Variants in COPG2 observed in about 807,000 individuals in gnomAD.
The protein encoded by COPG2 is coatomer subunit gamma-2.
A neutral mutation model predicts 46.3 loss-of-function variants in COPG2; 37 were observed. That is an observed-to-expected ratio of 0.80 (90% CI 0.61 to 1.05). The LOEUF (loss-of-function observed/expected upper bound fraction) is 1.05. COPG2 is among the 50% of genes least tolerant of loss of function. The pLI is 0.00. For missense variants in COPG2, 427 were observed against 387.8 expected (o/e 1.10, Z -0.85); for synonymous variants, 159 against 129.7 (o/e 1.23, Z -1.53).
chr7:130,513,308 A>AAAATAT (rs1236511164), intron 20 of COPG2, among the ~76,000 whole-genome samples: 13 of 55,654 alleles, frequency 2.3e-4, no homozygotes, highest in East Asian at 4.6e-4. Flanking sequence ...AAAAAAAAAA[A>AAAATAT]ATATATATAT....
rs180913178 is a variant in COPG2 at position 130,607,129 on chromosome 7, T to C, written c.737+3824A>G. 5.5e-3 allele frequency among the ~76,000 whole-genome samples: 841 copies of C among 151,892 alleles called. 6 individuals are homozygous for C. The highest frequency in any genetic ancestry group is 0.027 in the Middle Eastern group (8 of 294). ...GGTGGTGCATCCCTGTAGTCCCAGC[T>C]ACTTGGGAGGCTGAGGTGAGAGGAT... On this transcript the variant is annotated intron_variant, in intron 9 of 23. Coordinates refer to ENST00000425248, the MANE Select transcript of COPG2 (RefSeq NM_012133.6).
At chr7:130,508,325 A>T in intron 21 of COPG2, 1 of 390,106 alleles carries the variant, frequency 2.6e-6, no homozygotes, top group Non-Finnish European at 4.6e-6. Context: ...TATTATAAAG[A>T]AAAAAAAGGG....
At chr7:130,623,871 C>A (rs1052273046) in intron 5 of COPG2, among the ~76,000 whole-genome samples, 9 of 151,992 alleles carry the variant, frequency 5.9e-5, no homozygotes, top group South Asian at 2.1e-4. Context: ...AACAAGGTAT[C>A]TTTATATTTG....
intron 9 of COPG2, among the ~76,000 whole-genome samples, chr7:130,566,613 T>C (rs1008547904): frequency 5.9e-5 from 9 of 152,186 alleles, no homozygotes; most frequent in Non-Finnish European, 1.2e-4. Context: ...ACCAGCTTAA[T>C]GCCAGGGCCC....
chr7:130,571,255 G>C (rs1793892653), intron 9 of COPG2, among the ~76,000 whole-genome samples: 1 of 152,162 alleles, frequency 6.6e-6, no homozygotes, highest in African/African-American at 2.4e-5. Flanking sequence ...ATAGTAAACA[G>C]ACAACCCACA....
intron 9 of COPG2, among the ~76,000 whole-genome samples, chr7:130,583,804 T>TCA (rs2116445306): frequency 2.5e-5 from 1 of 40,492 alleles, no homozygotes; most frequent in African/African-American, 1.0e-4. Context: ...AGACTCCATC[T>TCA]CAAAAAAAAA....
At chr7:130,600,171 ATTG>A (rs1794608480) in intron 9 of COPG2, among the ~76,000 whole-genome samples, 1 of 152,322 alleles carries the variant, frequency 6.6e-6, no homozygotes, top group East Asian at 1.9e-4. Flanking sequence ...GAAACTATAT[ATTG>A]TTAATATTAA....
chr7:130,592,209 T>C (rs1326507493), intron 9 of COPG2, among the ~76,000 whole-genome samples: 35 of 152,052 alleles, frequency 2.3e-4, no homozygotes, highest in Non-Finnish European at 5.1e-4. Context: ...GGCAGCATGC[T>C]CGTTAAGAGT....
At chr7:130,628,125 TTTTG>T (rs1554454573) in intron 5 of COPG2, among the ~76,000 whole-genome samples, 1 of 152,156 alleles carries the variant, frequency 6.6e-6, no homozygotes, top group African/African-American at 2.4e-5. Context: ...TGTTTTCTGT[TTTTG>T]TTTTTGTTGT....
At chr7:130,588,384 T>G (rs2116454531) in intron 9 of COPG2, among the ~76,000 whole-genome samples, 1 of 151,884 alleles carries the variant, frequency 6.6e-6, no homozygotes, top group African/African-American at 2.4e-5. Flanking sequence ...TAGCAAAGAC[T>G]TGGAACCAAC....
intron 6 of COPG2, 140 bp downstream of exon 6, chr7:130,616,850 A>C (rs1584582285): frequency 1.9e-6 from 1 of 528,436 alleles, no homozygotes; most frequent in East Asian, 3.1e-5. Flanking sequence ...GCCTGGAGCC[A>C]CAAAAGCCTT....
intron 9 of COPG2, among the ~76,000 whole-genome samples, chr7:130,600,112 G>C (rs1477471185): frequency 1.3e-5 from 2 of 152,166 alleles, no homozygotes; most frequent in African/African-American, 4.8e-5. Context: ...TCCATGAAGA[G>C]ATCAAGAGGA....
intron 5 of COPG2, among the ~76,000 whole-genome samples, chr7:130,631,569 T>A (rs1795232243): frequency 6.6e-6 from 1 of 151,258 alleles, no homozygotes; most frequent in Non-Finnish European, 1.5e-5. Flanking sequence ...GCATTGTTAT[T>A]TTAGTGGTGG....
chr7:130,511,422 G>A (rs782563057), intron 20 of COPG2: 4 of 520,066 alleles, frequency 7.7e-6, no homozygotes, highest in Non-Finnish European at 1.5e-5. Context: ...GCTGGGCAGT[G>A]AGTGCCAAAA....
intron 9 of COPG2, chr7:130,610,569 G>A: frequency 1.9e-6 from 1 of 522,928 alleles, no homozygotes; most frequent in Non-Finnish European, 3.8e-6. Flanking sequence ...ATGTGCCTCA[G>A]ACTTGTGGAA....
intron 5 of COPG2, among the ~76,000 whole-genome samples, chr7:130,623,430 T>C (rs1795069466): frequency 6.6e-6 from 1 of 152,212 alleles, no homozygotes; most frequent in Non-Finnish European, 1.5e-5. Flanking sequence ...GTTAGTCTGT[T>C]CATGTGCCAG....
intron 4 of COPG2, among the ~76,000 whole-genome samples, chr7:130,659,815 G>A (rs1426021162): frequency 2.0e-5 from 3 of 152,140 alleles, no homozygotes; most frequent in African/African-American, 7.2e-5. Flanking sequence ...CAGAGGCTGA[G>A]GCAGGAGAAT....
intron 5 of COPG2, among the ~76,000 whole-genome samples, chr7:130,642,764 T>A (rs1795518156): frequency 6.6e-6 from 1 of 152,218 alleles, no homozygotes; most frequent in African/African-American, 2.4e-5. Flanking sequence ...AGCTCACGCC[T>A]GTAAGCCCAG....
At position 130,613,639 on chromosome 7, in the gene COPG2, A is replaced by G. The variant is rs1794896534; in HGVS notation, c.400-3T>C. ...TCAATGGCTTGCAACATTGTTCCCT[A>G]ATAACATTCAAAAAGAAAAAATTGT... On this transcript the variant is annotated splice_region_variant and splice_polypyrimidine_tract_variant and intron_variant, in intron 6 of 23. Transcript: ENST00000425248. 1.3e-6 allele frequency: 2 copies of G among 1,580,826 alleles called. No homozygotes were observed. The highest frequency in any genetic ancestry group is 1.8e-5 in the Admixed American group (1 of 56,764).
Sources: allele counts gnomAD v4.1 joint callset (sites outside exome capture counted in the v4.1 genomes callset), GRCh38; gene constraint gnomAD v4.1.1; transcripts MANE v1.5; gene names NCBI Gene and HGNC (gene_info 2026-07-23, HGNC 2026-07-21).